Variants in ARHGEF33 observed in about 807,000 individuals in gnomAD.
ARHGEF33 encodes DH and coiled-coil domain-containing protein ENSP00000381780.
ARHGEF33 carries 72 observed loss-of-function variants against 101.9 expected under a neutral mutation model. The ratio of observed to expected loss-of-function variants is 0.71; its 90% CI spans 0.58 to 0.86. The LOEUF (loss-of-function observed/expected upper bound fraction) is 0.86, where lower values mean the gene tolerates loss of function less well. Among genes scored for constraint, ARHGEF33 ranks in the 40% least tolerant of loss-of-function variants. The pLI, the probability that ARHGEF33 is intolerant of heterozygous loss-of-function variation, is 0.00. For synonymous variants in ARHGEF33, 499 were observed against 442.5 expected (o/e 1.13, Z -1.60); for missense variants, 1,169 against 1,111.3 (o/e 1.05, Z -0.74).
In ARHGEF33 at chr2:38,928,925, G is replaced by T; in HGVS notation, c.94G>T (p.Glu32Ter). The change falls in exon 5 of 18, where the codon GAA (glutamate) becomes TAA (stop). Residue 32 changes from glutamate (E) to a stop codon, truncating the protein, a stop_gained. Coordinates refer to ENST00000409978, the MANE Select transcript of ARHGEF33 (RefSeq NM_001145451.5). LOFTEE classifies it high-confidence loss of function. ...QIYQLQALAS[E>*]LKTGFTEAMQ... ...TATTTAGTTGCAGGCCCTAGCCTCC[G>T]AACTCAAAACTGGTTTCACAGAAGC... is the stretch of plus-strand genomic sequence containing the variant. The T allele has an allele frequency of 6.5e-7, 1 of 1,549,220 alleles. No individual in the cohort carries two copies. Among genetic ancestry groups the T allele is most frequent in the Non-Finnish European group, 8.7e-7 (1 of 1,145,970 alleles).
chr2:38,914,664 C>CAAA (rs199737558), intron 2 of ARHGEF33, among the ~76,000 whole-genome samples: 1 of 95,950 alleles, frequency 1.0e-5, no homozygotes. Context: ...GACTCCATCT[C>CAAA]AAAAAAAAAA....
chr2:38,898,060 T>C (rs878991338), intron 2 of ARHGEF33, among the ~76,000 whole-genome samples: 1 of 152,210 alleles, frequency 6.6e-6, no homozygotes, highest in Admixed American at 6.5e-5. Flanking sequence ...ATCAAGACTT[T>C]CATTGGTAGG....
intron 16 of ARHGEF33, among the ~76,000 whole-genome samples, chr2:38,962,929 C>T (rs1325948277): frequency 2.1e-5 from 3 of 141,532 alleles, no homozygotes; most frequent in East Asian, 2.1e-4. Context: ...GAGGCTGAGG[C>T]GAGAGAATGG....
chr2:38,893,952 T>C (rs1225694402), intron 1 of ARHGEF33, among the ~76,000 whole-genome samples: 2 of 152,140 alleles, frequency 1.3e-5, no homozygotes, highest in Non-Finnish European at 1.5e-5. Context: ...GTCTGAAGAC[T>C]GAAGACTGAA....
At chr2:38,961,426 G>A (rs769406409) in intron 16 of ARHGEF33, among the ~76,000 whole-genome samples, 2 of 152,132 alleles carry the variant, frequency 1.3e-5, no homozygotes, top group East Asian at 3.9e-4. Context: ...AGCCTGGAGG[G>A]CATTTAAAGA....
intron 4 of ARHGEF33, among the ~76,000 whole-genome samples, chr2:38,925,602 G>T (rs1055614193): frequency 1.3e-5 from 2 of 152,174 alleles, no homozygotes; most frequent in African/African-American, 4.8e-5. Flanking sequence ...ATTACTTGCT[G>T]CTCACTTTGT....
At chr2:38,907,189 A>G (rs1385372382) in intron 2 of ARHGEF33, among the ~76,000 whole-genome samples, 2 of 152,162 alleles carry the variant, frequency 1.3e-5, no homozygotes, top group African/African-American at 2.4e-5. Context: ...CCCAGGGACC[A>G]TCGCTGACCC....
At chr2:38,971,989 T>C in intron 17 of ARHGEF33, 1 of 718,326 alleles carries the variant, frequency 1.4e-6, no homozygotes, top group Non-Finnish European at 2.6e-6. Context: ...AAGTGTGACA[T>C]GTTGGGTTTT....
intron 17 of ARHGEF33, among the ~76,000 whole-genome samples, chr2:38,968,972 G>A (rs1668112225): frequency 6.6e-6 from 1 of 152,196 alleles, no homozygotes; most frequent in Non-Finnish European, 1.5e-5. Flanking sequence ...AGGCCCCAGT[G>A]TAGCACAGGA....
In ARHGEF33 at chr2:38,943,915, G is replaced by T; in HGVS notation, c.805G>T (p.Val269Leu). ...ETSLAAKRQT[V>L]ALELLESERK... ...TGTTTCTAAAGCTAAAAGACAGACT[G>T]TGGCCCTGGAACTGCTTGAATCTGA... is the stretch of plus-strand genomic sequence containing the variant. Residue 269 changes from valine (V) to leucine (L), a missense_variant, in exon 10 of 18, where the codon GTG becomes TTG. Transcript: ENST00000409978. 6.4e-7 allele frequency: 1 copy of T among 1,551,612 alleles called. No individual in the cohort carries two copies. The highest frequency in any genetic ancestry group is 8.7e-7 in the Non-Finnish European group (1 of 1,146,942).
intron 2 of ARHGEF33, among the ~76,000 whole-genome samples, chr2:38,903,474 A>G (rs968008374): frequency 1.3e-5 from 2 of 151,704 alleles, no homozygotes; most frequent in Non-Finnish European, 2.9e-5. Context: ...CCCATCACAT[A>G]ATTTGTTTTG....
chr2:38,944,131 C>A, intron 10 of ARHGEF33, 101 bp downstream of exon 10: 1 of 1,226,840 alleles, frequency 8.2e-7, no homozygotes, highest in South Asian at 1.7e-5. Context: ...ATGAAGAGTT[C>A]CAGAAATAGT....
rs371044814 is a variant in ARHGEF33 at position 38,917,102 on chromosome 2, C to CTTTTTTTTTTTTTTTTT, written c.-85-2254_-85-2253insTTTTTTTTTTTTTTTTT. ...GGTGTGAGCCACTGCAACCGGTCTTCTTTTTTTGAGACGGAGTCTCACTAC... is the reference window on the plus strand; with the variant it reads ...GGTGTGAGCCACTGCAACCGGTCTTCTTTTTTTTTTTTTTTTTTTTTTTTGAGACGGAGTCTCACTAC... On this transcript the variant is annotated intron_variant, in intron 2 of 17. Transcript: ENST00000409978. Among the ~76,000 whole-genome samples, 56 of 129,298 alleles carry CTTTTTTTTTTTTTTTTT rather than the reference C, an allele frequency of 4.3e-4. 7 individuals carry two copies. The highest frequency in any genetic ancestry group is 6.2e-4 in the Non-Finnish European group (39 of 62,826). The allele number at this position is 129,298 out of a possible 152,430, so 84.8% of individuals were successfully genotyped here. A position where few individuals can be genotyped will look rare whatever the true frequency, so the allele number is the denominator to read the frequency against.
rs562966197 is a variant in ARHGEF33 at position 38,892,197 on chromosome 2, T to G, written c.-159+2211T>G. 3.9e-5 allele frequency among the ~76,000 whole-genome samples: 6 copies of G among 152,310 alleles called. No individual in the cohort carries two copies. The South Asian group carries it at 1.2e-3, about 32-fold the overall frequency. ...GATTTGTCTTTGGGGCCTACTTATC[T>G]CAAATGATTTGAGGATATAATTCCC... On this transcript the variant is annotated intron_variant, in intron 1 of 17. Transcript: ENST00000409978.
rs1666217975 is a variant in ARHGEF33 at position 38,900,677 on chromosome 2, T to C, written c.-86+4828T>C. Among the ~76,000 whole-genome samples the C allele has an allele frequency of 2.0e-5, 3 of 152,130 alleles. No homozygotes were observed. In the South Asian group the frequency reaches 6.2e-4, roughly 32 times the overall value. On this transcript the variant is annotated intron_variant, in intron 2 of 17. Coordinates refer to ENST00000409978, the MANE Select transcript of ARHGEF33 (RefSeq NM_001145451.5). The stretch of plus-strand genomic sequence containing the variant: ...TTCCAGATTCTGATTAGAGGAGCAG[T>C]CCCATAGGATATGGGGAGGTGTGAT...
chr2:38,939,473 T>C (rs1227105936), intron 9 of ARHGEF33, among the ~76,000 whole-genome samples: 1 of 152,226 alleles, frequency 6.6e-6, no homozygotes, highest in Non-Finnish European at 1.5e-5. Context: ...TTGCTTCACA[T>C]ACTTTCCAAT....
intron 2 of ARHGEF33, among the ~76,000 whole-genome samples, chr2:38,914,003 G>A (rs115716878): frequency 0.018 from 2,763 of 152,104 alleles, 39 homozygotes; most frequent in Non-Finnish European, 0.031. Flanking sequence ...GTAAGTATAC[G>A]ATATAGAGAT....
chr2:38,965,214 A>T (rs558686111), intron 16 of ARHGEF33, among the ~76,000 whole-genome samples: 1 of 152,330 alleles, frequency 6.6e-6, no homozygotes, highest in South Asian at 2.1e-4. Flanking sequence ...AGTTGCTCTT[A>T]AATTATAGTC....
chr2:38,936,993 CAAACTTTTTTTTTTTTTTT>C (rs1667151239), intron 8 of ARHGEF33: 1 of 145,548 alleles, frequency 6.9e-6, no homozygotes, highest in African/African-American at 2.5e-5. Context: ...AAAAAAGTAA[CAAACTTTTTTTTTTTTTTT>C]GAGACAGAGT....
Sources: allele counts gnomAD v4.1 joint callset (sites outside exome capture counted in the v4.1 genomes callset), GRCh38; gene constraint gnomAD v4.1.1; transcripts MANE v1.5; gene names NCBI Gene and HGNC (gene_info 2026-07-23, HGNC 2026-07-21).